The following LGR6 variants were observed in gnomAD, a reference collection of about 807,000 sequenced individuals.
The protein encoded by LGR6 is leucine-rich repeat-containing G protein-coupled receptor 6.
A neutral mutation model predicts 69.4 loss-of-function variants in LGR6; 45 were observed. The ratio of observed to expected loss-of-function variants is 0.65; its 90% CI spans 0.51 to 0.83. LGR6 has a LOEUF of 0.83. Ranked by LOEUF, LGR6 falls within the 40% of genes least tolerant of loss-of-function variation. The pLI is 0.00. For synonymous variants in LGR6, 538 were observed against 555.0 expected (o/e 0.97, Z 0.43); for missense variants, 1,108 against 1,246.7 (o/e 0.89, Z 1.68).
At chr1:202,309,554 A>G (rs1372408707) in intron 15 of LGR6, among the ~76,000 whole-genome samples, 1 of 152,264 alleles carries the variant, frequency 6.6e-6, no homozygotes, top group Non-Finnish European at 1.5e-5. Context: ...AGAGCCCAGG[A>G]CACTGATGGG....
At chr1:202,233,768 T>C (rs1021411391) in intron 3 of LGR6, among the ~76,000 whole-genome samples, 5 of 152,214 alleles carry the variant, frequency 3.3e-5, no homozygotes, top group African/African-American at 1.2e-4. Flanking sequence ...GAACTTGTCC[T>C]CTGTGTGAGA....
At position 202,283,909 on chromosome 1, in the gene LGR6, A is replaced by G. The variant is rs1333384656; in HGVS notation, c.716+3057A>G. 2.0e-5 allele frequency among the ~76,000 whole-genome samples: 3 copies of G among 152,394 alleles called. No homozygotes were observed. In the East Asian group the frequency reaches 5.8e-4, roughly 29 times the overall value. ...TTCCAACCCTGGCTTTGCCCCTGCAAGCTGGGTCAGCCAGAGGAAGTAACT... is the reference window on the plus strand; with the variant it reads ...TTCCAACCCTGGCTTTGCCCCTGCAGGCTGGGTCAGCCAGAGGAAGTAACT... On this transcript the variant is annotated intron_variant, in intron 6 of 17. Coordinates refer to ENST00000367278, the MANE Select transcript of LGR6 (RefSeq NM_001017403.2).
At chr1:202,273,563 C>G (rs1001993100) in intron 4 of LGR6, among the ~76,000 whole-genome samples, 12 of 151,520 alleles carry the variant, frequency 7.9e-5, no homozygotes, top group Non-Finnish European at 1.5e-4. Flanking sequence ...GTTCAAGCAA[C>G]TCTCCTGCCT....
rs142037835 is a variant in LGR6, at chr1:202,314,218, CT to C, written c.1568-583del. On this transcript the variant is annotated intron_variant, in intron 16 of 17. Transcript: ENST00000367278. ...ATGTAGAAGTCAAATTCCTTTACCC[CT>C]AACAGTCCTTCAGCCCTTTGAGGAC... 2.5e-3 allele frequency among the ~76,000 whole-genome samples: 387 copies of C among 152,308 alleles called. 1 individual carries two copies. Among genetic ancestry groups the C allele is most frequent in the African/African-American group, 9.0e-3 (376 of 41,552 alleles).
chr1:202,318,819 G>C lies in LGR6; in HGVS notation c.2516G>C (p.Arg839Pro), dbSNP rs777927593. The C allele has an allele frequency of 1.2e-6, 2 of 1,613,154 alleles. No individual in the cohort carries two copies. Among genetic ancestry groups the C allele is most frequent in the African/African-American group, 1.3e-5 (1 of 74,944 alleles). The change falls in exon 18 of 18, where the codon CGG (arginine) becomes CCG (proline). Residue 839 changes from arginine (R) to proline (P), a missense_variant. Arg to Pro is a moderately radical substitution (Grantham distance 103, BLOSUM62 -2). Coordinates refer to ENST00000367278, the MANE Select transcript of LGR6 (RefSeq NM_001017403.2). ...LFNPHFRDDL[R>P]RLRPRAGDSG... Reference sequence around the variant, plus strand: ...AACCCCCACTTCCGGGATGACCTTCGGCGGCTTCGGCCCCGCGCAGGGGAC... The same window carrying C: ...AACCCCCACTTCCGGGATGACCTTCCGCGGCTTCGGCCCCGCGCAGGGGAC...
Position 202,193,926 on chromosome 1 carries a change from C to T in LGR6, c.-64C>T. 2 of 1,075,634 alleles carry T rather than the reference C, an allele frequency of 1.9e-6. No homozygotes were observed. The highest frequency in any genetic ancestry group is 2.4e-6 in the Non-Finnish European group (2 of 836,118). 66.6% of individuals were successfully genotyped at this position (1,075,634 alleles called of 1,614,324 possible). ...GCCCGCCGGGACCGGGAGGAAGCAGCTGCGGCCATCGCGCCGTGCGTCCGC... is the reference window on the plus strand; with the variant it reads ...GCCCGCCGGGACCGGGAGGAAGCAGTTGCGGCCATCGCGCCGTGCGTCCGC... On this transcript the variant is annotated 5_prime_UTR_variant, in exon 1 of 18. Transcript: ENST00000367278.
chr1:202,207,109 G>T (rs1373426493), intron 1 of LGR6, among the ~76,000 whole-genome samples: 1 of 152,004 alleles, frequency 6.6e-6, no homozygotes, highest in Non-Finnish European at 1.5e-5. Context: ...GTAGAGACGG[G>T]TTTTCGCCAT....
intron 3 of LGR6, among the ~76,000 whole-genome samples, chr1:202,229,967 T>C (rs924937395): frequency 2.0e-5 from 3 of 152,154 alleles, no homozygotes; most frequent in African/African-American, 7.2e-5. Flanking sequence ...CGTATTTCCT[T>C]CCATTGCTTG....
intron 8 of LGR6, 97 bp from the exon 9 acceptor site, chr1:202,301,067 G>T: frequency 7.3e-7 from 1 of 1,366,698 alleles, no homozygotes. Flanking sequence ...GTTCTTTCCT[G>T]GGTCTACATT....
At position 202,295,870 on chromosome 1, in the gene LGR6, AGTGTGTGTGTGTGTGT is replaced by A. The variant is rs10522809; in HGVS notation, c.717-1608_717-1593del. Among the ~76,000 whole-genome samples, 653 of 144,022 alleles carry A rather than the reference AGTGTGTGTGTGTGTGT, an allele frequency of 4.5e-3. 2 individuals carry two copies. The highest frequency in any genetic ancestry group is 0.015 in the African/African-American group (555 of 37,902). The allele number at this position is 144,022 out of a possible 152,430, so 94.5% of individuals were successfully genotyped here. On this transcript the variant is annotated intron_variant, in intron 6 of 17. Transcript: ENST00000367278. Reference sequence around the variant, plus strand: ...GCAGTCTGAGGGTAATTGGGTAATTAGTGTGTGTGTGTGTGTGTGTGTGTGTGTGTGTGTGTGTGTG... The same window carrying A: ...GCAGTCTGAGGGTAATTGGGTAATTAGTGTGTGTGTGTGTGTGTGTGTGTG...
chr1:202,218,768 CCT>C (rs1277948317), intron 1 of LGR6, among the ~76,000 whole-genome samples: 6 of 152,154 alleles, frequency 3.9e-5, no homozygotes, highest in African/African-American at 1.4e-4. Context: ...CTCTGCTGAC[CCT>C]CTCTCCTGAG....
intron 5 of LGR6, 48 bp from the exon 6 acceptor site, chr1:202,280,733 C>T: frequency 3.2e-6 from 5 of 1,559,214 alleles, no homozygotes; most frequent in South Asian, 1.1e-5. Context: ...ATCCCCTGGC[C>T]CCAGTGCCGT....
intron 1 of LGR6, among the ~76,000 whole-genome samples, chr1:202,205,050 CCAAA>C (rs1659083499): frequency 1.6e-5 from 2 of 122,082 alleles, no homozygotes; most frequent in African/African-American, 3.3e-5. Context: ...ACACACACCT[CCAAA>C]CACACACACA....
rs546505199 is a variant in LGR6 at position 202,251,667 on chromosome 1, C to A, written c.428+15674C>A. Among the ~76,000 whole-genome samples, 359 of 152,336 alleles carry A rather than the reference C, an allele frequency of 2.4e-3. 1 individual carries two copies. The highest frequency in any genetic ancestry group is 3.7e-3 in the Non-Finnish European group (253 of 68,030). ...CTGGGCTCCTCGGGGAGCCACCAGG[C>A]CTTTGGGGCCAATGCAGCTGCCTCT... On this transcript the variant is annotated intron_variant, in intron 4 of 17. Transcript: ENST00000367278.
chr1:202,288,486 T>C (rs1185902319), intron 6 of LGR6, among the ~76,000 whole-genome samples: 1 of 152,236 alleles, frequency 6.6e-6, no homozygotes, highest in East Asian at 1.9e-4. Flanking sequence ...AATAGATTTA[T>C]GGCTCCTGGC....
intron 4 of LGR6, among the ~76,000 whole-genome samples, chr1:202,245,324 C>T (rs1662562859): frequency 6.6e-6 from 1 of 152,246 alleles, no homozygotes; most frequent in Non-Finnish European, 1.5e-5. Flanking sequence ...GGTAGGCAGC[C>T]CCCTGCAGCC....
intron 1 of LGR6, among the ~76,000 whole-genome samples, chr1:202,198,142 G>C (rs1363858003): frequency 6.6e-6 from 1 of 152,204 alleles, no homozygotes; most frequent in East Asian, 1.9e-4. Flanking sequence ...ATATGTGTCT[G>C]TGTGTGTCTG....
chr1:202,286,659 T>G (rs1666413717), intron 6 of LGR6, among the ~76,000 whole-genome samples: 1 of 152,208 alleles, frequency 6.6e-6, no homozygotes, highest in Non-Finnish European at 1.5e-5. Flanking sequence ...TTCTTAATCA[T>G]CTTACATTTG....
intron 1 of LGR6, 116 bp from the exon 2 acceptor site, chr1:202,225,307 T>G: frequency 1.2e-6 from 1 of 854,534 alleles, no homozygotes; most frequent in Non-Finnish European, 2.0e-6. Context: ...CAGAATGGCC[T>G]GGTGGGGGGT....
Sources: allele counts gnomAD v4.1 joint callset (sites outside exome capture counted in the v4.1 genomes callset), GRCh38; gene constraint gnomAD v4.1.1; transcripts MANE v1.5; gene names NCBI Gene and HGNC (gene_info 2026-07-23, HGNC 2026-07-21).